Variants in TMEM44 observed in about 807,000 individuals in gnomAD.
TMEM44 encodes the protein transmembrane protein 44.
A neutral mutation model predicts 47.8 loss-of-function variants in TMEM44; 43 were observed. The observed-to-expected ratio is 0.90, with a 90% confidence interval of 0.70 to 1.16. The LOEUF is 1.16. Among genes scored for constraint, TMEM44 ranks in the 50% most tolerant of loss-of-function variants. The pLI is 0.00. For missense variants in TMEM44, 568 were observed against 555.2 expected (o/e 1.02, Z -0.23); for synonymous variants, 277 against 238.8 (o/e 1.16, Z -1.48).
intron 4 of TMEM44, 85 bp from the exon 5 acceptor site, chr3:194,623,395 C>T (rs1044679566): frequency 1.3e-6 from 2 of 1,513,896 alleles, no homozygotes; most frequent in African/African-American, 2.8e-5. Flanking sequence ...CTCAGGAGTC[C>T]TTTTCTGCTT....
At chr3:194,588,820 A>G (rs770438402) in intron 9 of TMEM44, among the ~76,000 whole-genome samples, 181 bp from the exon 10 acceptor site, 2 of 152,160 alleles carry the variant, frequency 1.3e-5, no homozygotes, top group African/African-American at 2.4e-5. Flanking sequence ...AGGCAAGCAT[A>G]ACTTTACATC....
chr3:194,606,167 C>T (rs114426663), intron 8 of TMEM44, among the ~76,000 whole-genome samples: 182 of 152,262 alleles, frequency 1.2e-3, no homozygotes, highest in African/African-American at 4.2e-3. Context: ...CACTCCAAGC[C>T]GAGGATGCAG....
rs191479939 is a variant in TMEM44 at position 194,611,599 on chromosome 3, G to A, written c.913-579C>T. On this transcript the variant is annotated intron_variant, in intron 7 of 9. Transcript: ENST00000347147. The surrounding 1 kb of genome is among the most constrained non-coding windows in gnomAD (Gnocchi z 4.2). ...TAACCGGGAAGTGGATCGTTTAAAC[G>A]CGCCCCAGATGATTCTAACGTGCGG... Among the ~76,000 whole-genome samples the A allele has an allele frequency of 2.0e-5, 3 of 152,216 alleles. No homozygotes were observed. The highest frequency in any genetic ancestry group is 4.8e-5 in the African/African-American group (2 of 41,456).
Position 194,623,317 on chromosome 3 carries a change from G to C in TMEM44, c.526-7C>G. 1 of 1,599,156 alleles carries C rather than the reference G, an allele frequency of 6.3e-7. No individual in the cohort carries two copies. On this transcript the variant is annotated splice_polypyrimidine_tract_variant and splice_region_variant and intron_variant, in intron 4 of 9. Coordinates refer to ENST00000347147, the MANE Select transcript of TMEM44 (RefSeq NM_001011655.3). ...CGAGGATCTCAGTATTTTCCTGCAA[G>C]AACGAACAGGTGATCCACCATCAGT...
Position 194,623,292 on chromosome 3 carries a change from C to T in TMEM44, c.544G>A (p.Gly182Ser), listed in dbSNP as rs1457522612. 14 of 1,609,346 alleles carry T rather than the reference C, an allele frequency of 8.7e-6. No individual in the cohort carries two copies. Among genetic ancestry groups the T allele is most frequent in the Non-Finnish European group, 1.1e-5 (13 of 1,177,880 alleles). ...SLLQENTEIL[G>S]YLLGSVAAFG... ...GCAGCAACGCTACCCAGCAGGTAGC[C>T]GAGGATCTCAGTATTTTCCTGCAAG... is the stretch of plus-strand genomic sequence containing the variant. The change falls in exon 5 of 10, where the codon GGC (glycine) becomes AGC (serine). Residue 182 changes from glycine (G) to serine (S), a missense_variant. Gly to Ser is a moderately conservative substitution (Grantham distance 56). Transcript: ENST00000347147.
chr3:194,588,534 C>T lies in TMEM44; in HGVS notation c.1282G>A (p.Asp428Asn). 1 of 1,614,018 alleles carries T rather than the reference C, an allele frequency of 6.2e-7. No individual in the cohort carries two copies. The highest frequency in any genetic ancestry group is 1.1e-5 in the South Asian group (1 of 91,074). Reference protein sequence around the residue: ...SVRTAHLSDDD With the variant: ...SVRTAHLSDDN ...TGAGCTGGCTCCAGAAGGTGTTAAT[C>T]ATCATCACTCAGGTGTGCTGTCCTC... The change falls in exon 10 of 10, where the codon GAT (aspartate) becomes AAT (asparagine). Residue 428 changes from aspartate (D) to asparagine (N), a missense_variant. By Grantham distance (23) the Asp-to-Asn change is conservative. Transcript: ENST00000347147.
chr3:194,610,345 G>C (rs1193899372), intron 8 of TMEM44, among the ~76,000 whole-genome samples: 1 of 152,028 alleles, frequency 6.6e-6, no homozygotes, highest in Non-Finnish European at 1.5e-5. Flanking sequence ...TGCCTCTTTA[G>C]CATATGGATT....
At chr3:194,605,160 G>GTATCTATCTATGTATC (rs3988143) in intron 8 of TMEM44, among the ~76,000 whole-genome samples, 1 of 151,510 alleles carries the variant, frequency 6.6e-6, no homozygotes, top group Non-Finnish European at 1.5e-5. Flanking sequence ...ATCTATCTAT[G>GTATCTATCTATGTATC]TATCTATTTA....
At chr3:194,624,947 C>T (rs1716981388) in intron 3 of TMEM44, among the ~76,000 whole-genome samples, 1 of 152,036 alleles carries the variant, frequency 6.6e-6, no homozygotes, top group South Asian at 2.1e-4. Context: ...AACTCCTGAC[C>T]TCAAAATGAT....
intron 5 of TMEM44, chr3:194,617,750 C>CACT: frequency 2.8e-6 from 2 of 703,872 alleles, no homozygotes; most frequent in Non-Finnish European, 5.2e-6. Context: ...CATGTTGAGT[C>CACT]GTAATCCCCA....
chr3:194,591,147 C>T (rs1712639245), intron 9 of TMEM44, among the ~76,000 whole-genome samples: 1 of 149,726 alleles, frequency 6.7e-6, no homozygotes, highest in Non-Finnish European at 1.5e-5. Context: ...TGAGCTGAGA[C>T]TGTGTGATTG....
intron 9 of TMEM44, among the ~76,000 whole-genome samples, chr3:194,593,635 C>A (rs2109149441): frequency 6.6e-6 from 1 of 152,272 alleles, no homozygotes; most frequent in South Asian, 2.1e-4. Context: ...CCTGCAGCGC[C>A]TGGGAAACAT....
intron 1 of TMEM44, among the ~76,000 whole-genome samples, chr3:194,630,941 CTGGAGGGGCTGGCTGTTTCCGT>C (rs1717748975): frequency 6.9e-6 from 1 of 145,232 alleles, no homozygotes; most frequent in African/African-American, 2.6e-5. Flanking sequence ...CACATGCCTC[CTGGAGGGGCTGGCTGTTTCCGT>C]CGGCATCACT....
intron 9 of TMEM44, chr3:194,590,002 C>A (rs1055161): frequency 0.48 from 72,287 of 152,068 alleles, 18,806 homozygotes; most frequent in East Asian, 0.75. Context: ...ATGACAAAGG[C>A]TGTGTCTGCC....
chr3:194,630,243 GT>G (rs1442157273), intron 1 of TMEM44, among the ~76,000 whole-genome samples: 1 of 7,040 alleles, frequency 1.4e-4, no homozygotes, highest in African/African-American at 5.9e-4. Flanking sequence ...GGGGCTGGCT[GT>G]TTCCATCGGC....
chr3:194,602,757 C>T (rs949082214), intron 9 of TMEM44, among the ~76,000 whole-genome samples: 28 of 152,090 alleles, frequency 1.8e-4, no homozygotes, highest in Non-Finnish European at 2.5e-4. Context: ...TGTGTGAGGC[C>T]GGGCAGGCTG....
In TMEM44 at chr3:194,623,639, G is replaced by A. The variant is rs1268856389; in HGVS notation, c.415C>T (p.Leu139=). The A allele has an allele frequency of 1.2e-6, 2 of 1,612,964 alleles. No homozygotes were observed. Among genetic ancestry groups the A allele is most frequent in the Admixed American group, 1.7e-5 (1 of 59,994 alleles). The part of the protein sequence containing the change: ...RRQLRASVFA[L]ALPLSLGPCW... ...GGGCCCAGGCTCAGCGGCAGGGCCA[G>A]GGCAAACACACTGGCCCTGAGCTGC... Residue 139 remains leucine, a synonymous_variant, in exon 4 of 10, where the codon CTG becomes TTG. Transcript: ENST00000347147.
intron 9 of TMEM44, among the ~76,000 whole-genome samples, chr3:194,594,153 A>ATCTGTCTGTCTGTCTGTCTG (rs1553824446): frequency 1.4e-4 from 21 of 148,284 alleles, no homozygotes; most frequent in Admixed American, 4.1e-4. Flanking sequence ...CTATCTATCT[A>ATCTGTCTGTCTGTCTGTCTG]TCTATCTATC....
At chr3:194,601,842 A>C (rs1560166810) in intron 9 of TMEM44, among the ~76,000 whole-genome samples, 1 of 152,180 alleles carries the variant, frequency 6.6e-6, no homozygotes, top group Non-Finnish European at 1.5e-5. Context: ...AACAGCCCAA[A>C]TCAGCCATAA....
Sources: gnomAD v4.1 joint callset for allele counts (sites outside exome capture counted in the v4.1 genomes callset) on GRCh38, gnomAD v4.1.1 for gene constraint, Gnocchi (gnomAD v3.1) non-coding constraint, MANE v1.5 for transcripts, NCBI Gene and HGNC (gene_info 2026-07-23, HGNC 2026-07-21) for gene names.